RBFOX1: variants seen among roughly 807,000 people sequenced by gnomAD.
The protein encoded by RBFOX1 is RNA binding fox-1 homolog 1.
In RBFOX1, 8 loss-of-function variants were observed where a neutral mutation model predicts 57.7. The ratio of observed to expected loss-of-function variants is 0.14; its 90% CI spans 0.08 to 0.25. RBFOX1 has a LOEUF of 0.25. RBFOX1 is among the 10% of genes least tolerant of loss of function. The probability of loss-of-function intolerance (pLI) is 1.00; values close to 1 mark genes in which losing one functional copy is unlikely to be tolerated. For missense variants in RBFOX1, 611 were observed against 548.5 expected (o/e 1.11, Z -1.14); for synonymous variants, 326 against 222.4 (o/e 1.47, Z -4.15).
At chr16:6,311,065 G>C (rs1057402466) in intron 1 of RBFOX1, among the ~76,000 whole-genome samples, 1 of 152,060 alleles carries the variant, frequency 6.6e-6, no homozygotes, top group South Asian at 2.1e-4. Flanking sequence ...GGGAGGCCAA[G>C]GCGGGCAAAT....
rs13331212 is a variant in RBFOX1 at position 6,079,274 on chromosome 16, G to T, written c.-127+59282G>T. Among the ~76,000 whole-genome samples, 26 of 151,812 alleles carry T rather than the reference G, an allele frequency of 1.7e-4. No individual in the cohort carries two copies. In the South Asian group the frequency reaches 5.4e-3, roughly 32 times the overall value. On this transcript the variant is annotated intron_variant, in intron 1 of 15. Coordinates refer to ENST00000550418, the MANE Select transcript of RBFOX1 (RefSeq NM_018723.4). ...TGAGCCAAGATTGTGCCACTGCACT[G>T]CAGCCTGGACAACAAAGCGAGACTC...
At chr16:7,284,247 G>A (rs2095605248) in intron 4 of RBFOX1, among the ~76,000 whole-genome samples, 1 of 152,196 alleles carries the variant, frequency 6.6e-6, no homozygotes, top group Non-Finnish European at 1.5e-5. Context: ...TTATGTACAG[G>A]TAATTCTGTA....
intron 3 of RBFOX1, among the ~76,000 whole-genome samples, chr16:6,783,193 A>C (rs1388319356): frequency 6.6e-6 from 1 of 151,900 alleles, no homozygotes; most frequent in Non-Finnish European, 1.5e-5. Flanking sequence ...TTATTCAGCT[A>C]GTCTGCCTTT....
chr16:5,323,050 C>G (rs1011568653), intron 1 of RBFOX1, among the ~76,000 whole-genome samples: 3 of 152,194 alleles, frequency 2.0e-5, no homozygotes, highest in Non-Finnish European at 2.9e-5. Flanking sequence ...GTCATTCTGC[C>G]TCTCTGTGCC....
chr16:5,394,700 A>G (rs987406314), intron 1 of RBFOX1, among the ~76,000 whole-genome samples: 1 of 151,426 alleles, frequency 6.6e-6, no homozygotes, highest in African/African-American at 2.4e-5. Context: ...AGATGCATGC[A>G]ACCATATCTG....
At chr16:6,525,659 A>G (rs781540436) in intron 2 of RBFOX1, among the ~76,000 whole-genome samples, 2 of 152,076 alleles carry the variant, frequency 1.3e-5, no homozygotes, top group East Asian at 3.9e-4. Flanking sequence ...CCCCGTCTCT[A>G]CTTCCTAGAT....
At chr16:6,483,141 A>G (rs2153100000) in intron 2 of RBFOX1, 2 of 1,058,128 alleles carry the variant, frequency 1.9e-6, no homozygotes, top group Middle Eastern at 4.4e-4. Context: ...CCCAGCTGCA[A>G]GAGTTTGCAA....
At chr16:5,920,984 C>T (rs956223523) in intron 4 of RBFOX1, among the ~76,000 whole-genome samples, 2 of 125,966 alleles carry the variant, frequency 1.6e-5, no homozygotes, top group African/African-American at 5.5e-5. Context: ...CCCTGTGTGA[C>T]GTTGAGCAGG....
At chr16:7,296,795 A>C (rs895903239) in intron 4 of RBFOX1, among the ~76,000 whole-genome samples, 1 of 152,252 alleles carries the variant, frequency 6.6e-6, no homozygotes, top group East Asian at 1.9e-4. Flanking sequence ...TTAGACATTC[A>C]TGGTGTTTCC....
At chr16:5,427,614 C>G (rs962377843) in intron 1 of RBFOX1, among the ~76,000 whole-genome samples, 2 of 151,696 alleles carry the variant, frequency 1.3e-5, no homozygotes, top group African/African-American at 4.8e-5. Context: ...CAAAACAAAA[C>G]AAAACAAAAC....
intron 2 of RBFOX1, among the ~76,000 whole-genome samples, chr16:6,368,976 G>A (rs1331891893): frequency 6.6e-6 from 1 of 152,154 alleles, no homozygotes; most frequent in South Asian, 2.1e-4. Flanking sequence ...GGAACAATAG[G>A]ATGTGTTATC....
intron 3 of RBFOX1, among the ~76,000 whole-genome samples, chr16:6,941,319 C>CTTCCTTCCTTCT (rs1186351227): frequency 7.5e-6 from 1 of 132,666 alleles, no homozygotes. Context: ...TCCTTCCTTC[C>CTTCCTTCCTTCT]TTCCTTCCTT....
At chr16:7,405,641 C>T (rs539386241) in intron 4 of RBFOX1, among the ~76,000 whole-genome samples, 1 of 152,256 alleles carries the variant, frequency 6.6e-6, no homozygotes, top group South Asian at 2.1e-4. Context: ...TTGGAGGAAT[C>T]AGAGCAAGCA....
At chr16:6,521,900 G>T (rs1180420297) in intron 2 of RBFOX1, among the ~76,000 whole-genome samples, 1 of 152,106 alleles carries the variant, frequency 6.6e-6, no homozygotes, top group Non-Finnish European at 1.5e-5. Flanking sequence ...CTGTGTTTGG[G>T]TCTTGTTGAA....
At chr16:7,398,899 G>A (rs1056405704) in intron 4 of RBFOX1, among the ~76,000 whole-genome samples, 3 of 152,164 alleles carry the variant, frequency 2.0e-5, no homozygotes, top group East Asian at 1.9e-4. Flanking sequence ...TACGGCTACT[G>A]TAACAAATGC....
chr16:7,476,291 G>C lies in RBFOX1; in HGVS notation c.28-41856G>C, dbSNP rs2062690117. ...TCTGGCCTAGTCAGAATATTTGTTT[G>C]AATTCTTACCCTCACAATTACAAGC... On this transcript the variant is annotated intron_variant, in intron 4 of 15. Coordinates refer to ENST00000550418, the MANE Select transcript of RBFOX1 (RefSeq NM_018723.4). Among the ~76,000 whole-genome samples the C allele has an allele frequency of 2.0e-5, 3 of 152,188 alleles. No individual in the cohort carries two copies. In the South Asian group the frequency reaches 6.2e-4, roughly 31 times the overall value.
chr16:6,307,143 A>G (rs1369059046), intron 1 of RBFOX1, among the ~76,000 whole-genome samples: 1 of 152,198 alleles, frequency 6.6e-6, no homozygotes, highest in East Asian at 1.9e-4. Flanking sequence ...AAGTTCTTTC[A>G]GATTCGTAAA....
At chr16:6,369,703 A>C (rs941669761) in intron 2 of RBFOX1, among the ~76,000 whole-genome samples, 4 of 152,078 alleles carry the variant, frequency 2.6e-5, no homozygotes, top group Non-Finnish European at 5.9e-5. Flanking sequence ...CATTTTCTAC[A>C]CCTTCTATGT....
intron 2 of RBFOX1, among the ~76,000 whole-genome samples, chr16:6,495,199 A>C (rs150801785): frequency 6.6e-6 from 1 of 152,140 alleles, no homozygotes. Flanking sequence ...GCTCATTGCA[A>C]CTTCTGCCTC....
Sources: gnomAD v4.1 joint callset for allele counts (sites outside exome capture counted in the v4.1 genomes callset) on GRCh38, gnomAD v4.1.1 for gene constraint, MANE v1.5 for transcripts, NCBI Gene and HGNC (gene_info 2026-07-23, HGNC 2026-07-21) for gene names.